ADGRG6: variants seen among roughly 807,000 people sequenced by gnomAD.
ADGRG6 encodes G-protein coupled receptor 126.
In ADGRG6, 84 loss-of-function variants were observed where a neutral mutation model predicts 142.4. The ratio of observed to expected loss-of-function variants is 0.59; its 90% CI spans 0.49 to 0.71. The LOEUF is 0.71. Among genes scored for constraint, ADGRG6 ranks in the 30% least tolerant of loss-of-function variants. ADGRG6 has a pLI of 0.00. For missense variants in ADGRG6, 1,367 were observed against 1,466.6 expected (o/e 0.93, Z 1.11); for synonymous variants, 521 against 520.5 (o/e 1.00, Z -0.01).
intron 2 of ADGRG6, among the ~76,000 whole-genome samples, chr6:142,327,510 C>T (rs925770419): frequency 6.6e-6 from 1 of 152,084 alleles, no homozygotes; most frequent in Non-Finnish European, 1.5e-5. Context: ...AGATAAGCTA[C>T]TAGATATTTA....
chr6:142,309,647 A>G lies in ADGRG6; in HGVS notation c.103+3A>G, dbSNP rs760190562. ...TATCATGTGTGTTCCTCACTCAGGT[A>G]AGACTCTTCCTCTTTCACACCTGGA... On this transcript the variant is annotated splice_donor_region_variant and intron_variant, in intron 2 of 24. Coordinates refer to ENST00000367609, the MANE Select transcript of ADGRG6 (RefSeq NM_198569.3). 2 of 1,555,932 alleles carry G rather than the reference A, an allele frequency of 1.3e-6. No individual in the cohort carries two copies. Among genetic ancestry groups the G allele is most frequent in the East Asian group, 2.3e-5 (1 of 44,108 alleles).
intron 13 of ADGRG6, among the ~76,000 whole-genome samples, chr6:142,403,036 A>AT (rs1260442105): frequency 6.6e-6 from 1 of 152,036 alleles, no homozygotes; most frequent in Non-Finnish European, 1.5e-5. Context: ...ACAATTTACA[A>AT]TATACATAGC....
chr6:142,418,737 G>A (rs999327799), intron 21 of ADGRG6, among the ~76,000 whole-genome samples: 1 of 152,086 alleles, frequency 6.6e-6, no homozygotes, highest in Non-Finnish European at 1.5e-5. Flanking sequence ...TTTTGCCTTT[G>A]TGGAGGTTAT....
intron 7 of ADGRG6, among the ~76,000 whole-genome samples, chr6:142,391,433 CTACACA>C (rs1172720691): frequency 3.1e-5 from 3 of 97,426 alleles, no homozygotes; most frequent in Non-Finnish European, 2.0e-5. Flanking sequence ...GAAGTGGTAG[CTACACA>C]CACACACACA....
At chr6:142,426,156 A>G (rs1198247586) in intron 22 of ADGRG6, among the ~76,000 whole-genome samples, 2 of 152,146 alleles carry the variant, frequency 1.3e-5, no homozygotes, top group African/African-American at 2.4e-5. Context: ...GTCTTAACTC[A>G]TTTCAGCATT....
intron 2 of ADGRG6, among the ~76,000 whole-genome samples, chr6:142,339,849 AT>A (rs1048597373): frequency 7.9e-5 from 12 of 152,058 alleles, no homozygotes; most frequent in African/African-American, 2.4e-4. Flanking sequence ...AAACCAGATG[AT>A]TTTTTTTCTT....
At chr6:142,393,979 A>G (rs1203164473) in intron 9 of ADGRG6, 21 bp downstream of exon 9, 1 of 1,426,368 alleles carries the variant, frequency 7.0e-7, no homozygotes, top group Admixed American at 2.0e-5. Flanking sequence ...AAAGTATTGT[A>G]AAGAGTATAA....
At chr6:142,314,495 A>G (rs1777928919) in intron 2 of ADGRG6, among the ~76,000 whole-genome samples, 2 of 152,178 alleles carry the variant, frequency 1.3e-5, no homozygotes, top group African/African-American at 4.8e-5. Context: ...TATCTGAGGA[A>G]TTTTTGGAGC....
At chr6:142,387,964 A>G (rs1782113413) in intron 6 of ADGRG6, among the ~76,000 whole-genome samples, 1 of 152,238 alleles carries the variant, frequency 6.6e-6, no homozygotes, top group South Asian at 2.1e-4. Context: ...TCTGGAACAC[A>G]TGAAGATTTG....
At position 142,443,321 on chromosome 6, in the gene ADGRG6, G is replaced by A. The variant is rs764531958; in HGVS notation, c.3575-16G>A. On this transcript the variant is annotated splice_polypyrimidine_tract_variant and intron_variant, in intron 24 of 24. Coordinates refer to ENST00000367609, the MANE Select transcript of ADGRG6 (RefSeq NM_198569.3). The stretch of plus-strand genomic sequence containing the variant: ...CAGCTCATCTTGAACCTAATTTCTT[G>A]TATCATTTCTTGCAGACAGTGCTTC... 4.4e-6 allele frequency: 7 copies of A among 1,596,638 alleles called. No homozygotes were observed. In the East Asian group the frequency reaches 9.0e-5, roughly 20 times the overall value.
intron 2 of ADGRG6, among the ~76,000 whole-genome samples, chr6:142,320,225 A>G (rs1042654888): frequency 2.0e-5 from 3 of 152,076 alleles, no homozygotes; most frequent in Non-Finnish European, 4.4e-5. Context: ...ATTTTTAGTA[A>G]TCTTAGAAAT....
intron 9 of ADGRG6, among the ~76,000 whole-genome samples, chr6:142,394,870 C>T (rs1775090857): frequency 6.6e-6 from 1 of 152,050 alleles, no homozygotes; most frequent in African/African-American, 2.4e-5. Flanking sequence ...ATTACATGTA[C>T]AGGCGTGAGA....
At position 142,404,748 on chromosome 6, in the gene ADGRG6, G is replaced by T. The variant is rs984087080; in HGVS notation, c.2127+775G>T. Among the ~76,000 whole-genome samples the T allele has an allele frequency of 9.2e-5, 14 of 152,196 alleles. No homozygotes were observed. In the East Asian group the frequency reaches 2.5e-3, roughly 27 times the overall value. ...TTCTGATTTAGTAGGTCCTGGGTAG[G>T]CCCACCAAATTTGCACTTTTAGCAA... is the stretch of plus-strand genomic sequence containing the variant. On this transcript the variant is annotated intron_variant, in intron 14 of 24. Transcript: ENST00000367609.
At chr6:142,376,317 G>A (rs1562349376) in intron 4 of ADGRG6, among the ~76,000 whole-genome samples, 1 of 152,142 alleles carries the variant, frequency 6.6e-6, no homozygotes, top group East Asian at 1.9e-4. Context: ...TGAGGGAGTG[G>A]TACAGTATAA....
At chr6:142,438,107 C>A in intron 23 of ADGRG6, 105 bp from the exon 24 acceptor site, 1 of 653,422 alleles carries the variant, frequency 1.5e-6, no homozygotes, top group Non-Finnish European at 2.5e-6. Context: ...GCCAGCATAT[C>A]AGAAAATCAG....
At chr6:142,437,385 T>G (rs757745841) in intron 22 of ADGRG6, 49 bp from the exon 23 acceptor site, 8 of 849,122 alleles carry the variant, frequency 9.4e-6, no homozygotes, top group Admixed American at 8.0e-5. Flanking sequence ...AGATTTCTCT[T>G]TAAAGATGTG....
At chr6:142,399,306 G>A (rs1775378233) in intron 10 of ADGRG6, among the ~76,000 whole-genome samples, 1 of 152,106 alleles carries the variant, frequency 6.6e-6, no homozygotes, top group African/African-American at 2.4e-5. Flanking sequence ...TTGGGTGGAT[G>A]TACACCGTTA....
chr6:142,305,471 A>G (rs1777450982), intron 1 of ADGRG6, among the ~76,000 whole-genome samples: 1 of 116,456 alleles, frequency 8.6e-6, no homozygotes, highest in Non-Finnish European at 1.7e-5. Flanking sequence ...CACACACACA[A>G]TTTTTTTCTG....
At chr6:142,397,380 G>T (rs1775252833) in intron 9 of ADGRG6, among the ~76,000 whole-genome samples, 1 of 151,992 alleles carries the variant, frequency 6.6e-6, no homozygotes, top group Non-Finnish European at 1.5e-5. Flanking sequence ...GAAAAGAAAT[G>T]GAGTTATTTG....
Sources: gnomAD v4.1 joint callset for allele counts (sites outside exome capture counted in the v4.1 genomes callset) on GRCh38, gnomAD v4.1.1 for gene constraint, MANE v1.5 for transcripts, NCBI Gene and HGNC (gene_info 2026-07-23, HGNC 2026-07-21) for gene names.